ITIH2: variants seen among roughly 807,000 people sequenced by gnomAD.
ITIH2 encodes the protein inter-alpha-trypsin inhibitor heavy chain 2.
ITIH2 carries 103 observed loss-of-function variants against 104.4 expected under a neutral mutation model. The ratio of observed to expected loss-of-function variants is 0.99; its 90% CI spans 0.84 to 1.16. The LOEUF (loss-of-function observed/expected upper bound fraction) is 1.16. Ranked by LOEUF, ITIH2 falls within the 50% of genes most tolerant of loss-of-function variation. The pLI is 0.00. For missense variants in ITIH2, 1,108 were observed against 1,162.4 expected (o/e 0.95, Z 0.68); for synonymous variants, 436 against 435.4 (o/e 1.00, Z -0.02).
chr10:7,743,631 A>G (rs914598597), intron 17 of ITIH2, among the ~76,000 whole-genome samples: 2 of 151,828 alleles, frequency 1.3e-5, no homozygotes, highest in African/African-American at 4.8e-5. Context: ...TACAAAAACA[A>G]TTACCCAGGC....
rs563817617 is a variant in ITIH2 at position 7,742,565 on chromosome 10, A to AC, written c.2096-575dup. Among the ~76,000 whole-genome samples the AC allele has an allele frequency of 5.8e-4, 88 of 151,616 alleles. 1 individual carries two copies. In the East Asian group the frequency reaches 0.012, roughly 21 times the overall value. On this transcript the variant is annotated intron_variant, in intron 16 of 20. Coordinates refer to ENST00000358415, the MANE Select transcript of ITIH2 (RefSeq NM_002216.3). ...ACACTAGCCTGGGAAACAAAGTGAG[A>AC]CCCCCCATCTCTACAAAAAATACAA...
chr10:7,731,789 T>C, intron 12 of ITIH2, 22 bp from the exon 13 acceptor site: 2 of 1,531,050 alleles, frequency 1.3e-6, no homozygotes, highest in Non-Finnish European at 1.8e-6. Flanking sequence ...ATAATTTCTC[T>C]CTCTCTCTCT....
chr10:7,717,713 G>A lies in ITIH2; in HGVS notation c.555G>A (p.Glu185=). 4 of 1,613,294 alleles carry A rather than the reference G, an allele frequency of 2.5e-6. No homozygotes were observed. Among genetic ancestry groups the A allele is most frequent in the Non-Finnish European group, 2.5e-6 (3 of 1,179,738 alleles). ...AKVQFELHYQ[E]VKWRKLGSYE... is the part of the protein sequence containing the mutation. ...TGCAGTTCGAACTTCACTACCAGGA[G>A]GTGAAGTGGAGGAAGCTGGGCTCCT... Residue 185 remains glutamate, a synonymous_variant, in exon 6 of 21, where the codon GAG becomes GAA. Transcript: ENST00000358415.
intron 2 of ITIH2, among the ~76,000 whole-genome samples, chr10:7,706,015 C>T (rs1428509553): frequency 6.6e-6 from 1 of 152,128 alleles, no homozygotes; most frequent in Non-Finnish European, 1.5e-5. Context: ...CCCACGGAGC[C>T]CACATGCTGA....
rs543704006 is a variant in ITIH2, at chr10:7,704,122, T to C, written c.84+604T>C. On this transcript the variant is annotated intron_variant, in intron 1 of 20. Transcript: ENST00000358415. ...ACTTTTGTCCCTTAGCCATCTCCAA[T>C]GTAAGGAAAGTCTTGGACTGAAAGT... Among the ~76,000 whole-genome samples, 3 of 152,318 alleles carry C rather than the reference T, an allele frequency of 2.0e-5. No individual in the cohort carries two copies. In the South Asian group the frequency reaches 6.2e-4, roughly 32 times the overall value.
chr10:7,703,869 G>T (rs144648260), intron 1 of ITIH2, among the ~76,000 whole-genome samples: 14 of 152,288 alleles, frequency 9.2e-5, no homozygotes, highest in African/African-American at 3.4e-4. Flanking sequence ...CTAGCAGAGC[G>T]CCTGGACTAG....
chr10:7,704,983 A>C, intron 1 of ITIH2, 125 bp from the exon 2 acceptor site: 1 of 602,156 alleles, frequency 1.7e-6, no homozygotes, highest in Admixed American at 2.9e-5. Flanking sequence ...TGATGAGTTA[A>C]TGGGTGTAGC....
In ITIH2 at chr10:7,723,488, A is replaced by G. The variant is rs752545431; in HGVS notation, c.905A>G (p.Asp302Gly). 16 of 1,613,758 alleles carry G rather than the reference A, an allele frequency of 9.9e-6. No homozygotes were observed. Among genetic ancestry groups the G allele is most frequent in the Admixed American group, 5.0e-5 (3 of 59,994 alleles). Residue 302 changes from aspartate (D) to glycine (G), a missense_variant, in exon 9 of 21, where the codon GAC becomes GGC. Asp to Gly is a moderately conservative substitution (Grantham distance 94). Transcript: ENST00000358415. ...NGYFVHFFAP[D>G]NLDPIPKNIL... ...TATTTTGTCCACTTCTTTGCTCCTG[A>G]CAACCTGGACCCAATTCCCAAAAAC...
rs1181970365 is a variant in ITIH2, at chr10:7,709,117, C to T, written c.288C>T (p.Asn96=). ...ATTMIQSKVV[N]NSPQPQNVVF... is the part of the protein sequence containing the mutation. ...CCATGATCCAGAGCAAAGTGGTGAA[C>T]AATTCCCCGCAGCCTCAGAATGTCG... is the stretch of plus-strand genomic sequence containing the variant. Residue 96 remains asparagine, a synonymous_variant, in exon 4 of 21, where the codon AAC becomes AAT. Transcript: ENST00000358415. The T allele has an allele frequency of 3.1e-6, 5 of 1,613,986 alleles. No homozygotes were observed. The highest frequency in any genetic ancestry group is 2.7e-5 in the African/African-American group (2 of 74,884).
intron 20 of ITIH2, 97 bp from the exon 21 acceptor site, chr10:7,749,090 G>A: frequency 8.0e-7 from 1 of 1,247,702 alleles, no homozygotes; most frequent in Non-Finnish European, 1.1e-6. Context: ...GGCAGATGTG[G>A]TGACAGAAGG....
intron 15 of ITIH2, among the ~76,000 whole-genome samples, chr10:7,738,312 T>G (rs894719208): frequency 7.4e-6 from 1 of 136,022 alleles, no homozygotes; most frequent in Non-Finnish European, 1.5e-5. Flanking sequence ...ATATATTATA[T>G]TCTGGGCCTT....
At chr10:7,709,299 C>A in intron 4 of ITIH2, 108 bp downstream of exon 4, 3 of 976,630 alleles carry the variant, frequency 3.1e-6, no homozygotes, top group Non-Finnish European at 4.8e-6. Context: ...AGAGGACCGG[C>A]TGGATGTCAA....
intron 5 of ITIH2, among the ~76,000 whole-genome samples, chr10:7,714,601 A>T (rs1431668705): frequency 1.3e-5 from 2 of 152,212 alleles, no homozygotes; most frequent in African/African-American, 4.8e-5. Flanking sequence ...ACAAAAATGC[A>T]TCAAATGCAA....
intron 5 of ITIH2, among the ~76,000 whole-genome samples, chr10:7,714,162 A>G (rs897722132): frequency 2.3e-4 from 28 of 121,452 alleles, no homozygotes; most frequent in African/African-American, 9.0e-4. Flanking sequence ...CTGCACACTC[A>G]CTATTTTTTT....
At chr10:7,724,917 C>CTGCT (rs1293893858) in intron 9 of ITIH2, among the ~76,000 whole-genome samples, 6 of 152,158 alleles carry the variant, frequency 3.9e-5, no homozygotes, top group Non-Finnish European at 8.8e-5. Flanking sequence ...AGTTTATTCA[C>CTGCT]TGCTTCCTTC....
intron 9 of ITIH2, among the ~76,000 whole-genome samples, chr10:7,725,440 GAAGT>G (rs1162089137): frequency 6.6e-6 from 1 of 152,232 alleles, no homozygotes; most frequent in Non-Finnish European, 1.5e-5. Flanking sequence ...TGAGATCTGA[GAAGT>G]GAGAGGCAAG....
intron 8 of ITIH2, 61 bp from the exon 9 acceptor site, chr10:7,723,390 C>T: frequency 1.9e-6 from 2 of 1,064,988 alleles, no homozygotes; most frequent in South Asian, 2.5e-5. Context: ...CCCAGGTCCC[C>T]ATCTTCCTAC....
At chr10:7,731,784 T>TTC (rs753457135) in intron 12 of ITIH2, 27 bp from the exon 13 acceptor site, 347 of 1,421,684 alleles carry the variant, frequency 2.4e-4, no homozygotes, top group South Asian at 3.2e-4. Flanking sequence ...GGAACATAAT[T>TTC]TCTCTCTCTC....
intron 1 of ITIH2, among the ~76,000 whole-genome samples, chr10:7,704,164 T>C (rs558741122): frequency 1.3e-5 from 2 of 152,348 alleles, no homozygotes; most frequent in South Asian, 4.1e-4. Flanking sequence ...CTGAAAGTCA[T>C]ACAAGAGCTA....
Sources: allele counts gnomAD v4.1 joint callset (sites outside exome capture counted in the v4.1 genomes callset), GRCh38; gene constraint gnomAD v4.1.1; transcripts MANE v1.5; gene names NCBI Gene and HGNC (gene_info 2026-07-23, HGNC 2026-07-21).